The following GPATCH1 variants were observed in gnomAD, a reference collection of about 807,000 sequenced individuals.
GPATCH1 encodes the protein G patch domain-containing protein 1.
A neutral mutation model predicts 114.9 loss-of-function variants in GPATCH1; 73 were observed. The ratio of observed to expected loss-of-function variants is 0.64; its 90% CI spans 0.53 to 0.77. GPATCH1 has a LOEUF of 0.77. Ranked by LOEUF, GPATCH1 falls within the 30% of genes least tolerant of loss-of-function variation. The probability of loss-of-function intolerance (pLI) is 0.00; values close to 1 mark genes in which losing one functional copy is unlikely to be tolerated. For missense variants in GPATCH1, 1,058 were observed against 1,144.3 expected, an observed-to-expected ratio of 0.92 and a Z score of 1.09; for synonymous variants, 391 against 428.4, an observed-to-expected ratio of 0.91 and a Z score of 1.08.
At chr19:33,111,123 C>G (rs1972847116) in intron 11 of GPATCH1, among the ~76,000 whole-genome samples, 1 of 151,510 alleles carries the variant, frequency 6.6e-6, no homozygotes, top group South Asian at 2.1e-4. Flanking sequence ...ACCTCCACCT[C>G]CCAGGTTCAA....
In GPATCH1 at chr19:33,105,951, G is replaced by A. The variant is rs143319125; in HGVS notation, c.1081-744G>A. On this transcript the variant is annotated intron_variant, in intron 9 of 19. Transcript: ENST00000170564. ...CGACCTCTGCCTCCCGGGTTTACGC[G>A]ACTCTCCTGCCTCAGCACCCCCGAG... is the stretch of plus-strand genomic sequence containing the variant. Among the ~76,000 whole-genome samples the A allele has an allele frequency of 3.7e-3, 559 of 151,168 alleles. 4 individuals carry two copies. Among genetic ancestry groups the A allele is most frequent in the African/African-American group, 0.013 (527 of 41,212 alleles).
At chr19:33,107,743 C>T (rs919724715) in intron 10 of GPATCH1, among the ~76,000 whole-genome samples, 6 of 152,128 alleles carry the variant, frequency 3.9e-5, no homozygotes, top group Admixed American at 6.6e-5. Flanking sequence ...TCACACACTG[C>T]GCTTCCTCAT....
intron 15 of GPATCH1, among the ~76,000 whole-genome samples, chr19:33,116,853 A>G (rs1023207402): frequency 4.0e-5 from 6 of 151,878 alleles, no homozygotes; most frequent in African/African-American, 1.5e-4. Context: ...TTAAACTGCT[A>G]CTTCCTCCGG....
At chr19:33,084,653 CT>C (rs1186895985) in intron 1 of GPATCH1, among the ~76,000 whole-genome samples, 1,559 of 144,462 alleles carry the variant, frequency 0.011, 19 homozygotes, top group African/African-American at 0.032. Context: ...TGACCTTGCC[CT>C]TTTTTTTTTT....
In GPATCH1 at chr19:33,123,073, A is replaced by AAAATAAAT. The variant is rs35241970; in HGVS notation, c.2522-1994_2522-1987dup. 6.8e-3 allele frequency among the ~76,000 whole-genome samples: 941 copies of AAAATAAAT among 138,412 alleles called. 8 individuals carry two copies. The highest frequency in any genetic ancestry group is 0.015 in the African/African-American group (578 of 37,780). The allele number at this position is 138,412 out of a possible 152,430, so 90.8% of individuals were successfully genotyped here. A position where few individuals can be genotyped will look rare whatever the true frequency, so the allele number is the denominator to read the frequency against. ...GGTGACAAAGCGAGATGCTGTCTCA[A>AAAATAAAT]AAATAAATAAATAAATAAATAAATA... On this transcript the variant is annotated intron_variant, in intron 17 of 19. Transcript: ENST00000170564.
In GPATCH1 at chr19:33,113,777, G is replaced by GT; in HGVS notation, c.1905dup (p.Gly636TrpfsTer8). ...TTTTTCAATTCCCAGTTCAACTTTAGTTGGCTTACCAAGAGTGAAGCGTGA... is the reference window on the plus strand; with the variant it reads ...TTTTTCAATTCCCAGTTCAACTTTAGTTTGGCTTACCAAGAGTGAAGCGTGA... On this transcript the variant is annotated frameshift_variant, in exon 14 of 20. Transcript: ENST00000170564. LOFTEE classifies it high-confidence loss of function. 1 of 1,613,628 alleles carries GT rather than the reference G, an allele frequency of 6.2e-7. No homozygotes were observed. The highest frequency in any genetic ancestry group is 8.5e-7 in the Non-Finnish European group (1 of 1,179,748).
intron 19 of GPATCH1, among the ~76,000 whole-genome samples, chr19:33,128,810 T>TCGCCCGA (rs1278627740): frequency 6.6e-6 from 1 of 152,240 alleles, no homozygotes; most frequent in Non-Finnish European, 1.5e-5. Context: ...AGATTCCTTC[T>TCGCCCGA]TGTGAGCACA....
Position 33,093,502 on chromosome 19 carries a change from C to A in GPATCH1, c.438C>A (p.Asp146Glu). 6.2e-7 allele frequency: 1 copy of A among 1,611,898 alleles called. No individual in the cohort carries two copies. The highest frequency in any genetic ancestry group is 8.5e-7 in the Non-Finnish European group (1 of 1,179,242). ...APIPGATLLD[D>E]LITPAKLSVG... ...TTCCTGGAGCCACCCTCCTTGATGA[C>A]CTCATAACGCCAGCAAAGTGAGCAT... Residue 146 changes from aspartate to glutamate, a missense_variant, in exon 4 of 20, where the codon GAC becomes GAA. Coordinates refer to ENST00000170564, the MANE Select transcript of GPATCH1 (RefSeq NM_018025.3).
rs940614947 is a variant in GPATCH1, at chr19:33,095,257, GTT to G, written c.554-483_554-482del. ...GTACCTCTGAAGAGTTATCAGTGAG[GTT>G]TTTTTTTTTTTTTTTTTTTTTGAGA... On this transcript the variant is annotated intron_variant, in intron 5 of 19. Coordinates refer to ENST00000170564, the MANE Select transcript of GPATCH1 (RefSeq NM_018025.3). Among the ~76,000 whole-genome samples, 601 of 109,222 alleles carry G rather than the reference GTT, an allele frequency of 5.5e-3. 1 individual carries two copies. Among genetic ancestry groups the G allele is most frequent in the African/African-American group, 0.021 (569 of 27,670 alleles). 71.7% of individuals were successfully genotyped at this position (109,222 alleles called of 152,430 possible).
chr19:33,097,694 C>T (rs2145312874), intron 7 of GPATCH1, 61 bp from the exon 8 acceptor site: 2 of 1,480,830 alleles, frequency 1.4e-6, no homozygotes, highest in East Asian at 2.3e-5. Context: ...TAGCTTTATC[C>T]CTGAAGATCC....
intron 8 of GPATCH1, among the ~76,000 whole-genome samples, chr19:33,098,424 C>T (rs1972688746): frequency 6.6e-6 from 1 of 152,230 alleles, no homozygotes; most frequent in Admixed American, 6.5e-5. Context: ...ACTTTAACTT[C>T]ATGCTGTGTT....
At chr19:33,106,255 T>C (rs998861352) in intron 9 of GPATCH1, among the ~76,000 whole-genome samples, 1 of 152,130 alleles carries the variant, frequency 6.6e-6, no homozygotes, top group African/African-American at 2.4e-5. Flanking sequence ...CCTCCCATCT[T>C]GGCCTCCCAG....
At chr19:33,105,411 C>CAA (rs922660129) in intron 9 of GPATCH1, among the ~76,000 whole-genome samples, 6 of 58,472 alleles carry the variant, frequency 1.0e-4, no homozygotes, top group East Asian at 5.5e-4. Context: ...GACTCTGTCT[C>CAA]AAAAAAAAAA....
chr19:33,125,153 A>C lies in GPATCH1; in HGVS notation c.2570A>C (p.Asn857Thr), dbSNP rs149814602. ...CCTCAAAAAGAGAAACATAAAAAGA[A>C]CAAAGACAAGCACAAGGCCAAGAAA... ...EVPQKEKHKK[N>T]KDKHKAKKEH... Residue 857 changes from asparagine (N) to threonine (T), a missense_variant, in exon 18 of 20, where the codon AAC becomes ACC. Transcript: ENST00000170564. The C allele has an allele frequency of 7.0e-4, 1,126 of 1,600,436 alleles. 13 individuals carry two copies. In the African/African-American group the frequency reaches 0.013, roughly 18 times the overall value.
At position 33,114,234 on chromosome 19, in the gene GPATCH1, T is replaced by G; in HGVS notation, c.2030-19T>G. On this transcript the variant is annotated intron_variant, in intron 14 of 19. Coordinates refer to ENST00000170564, the MANE Select transcript of GPATCH1 (RefSeq NM_018025.3). The stretch of plus-strand genomic sequence containing the variant: ...TTCCTTGCTAATGCTGGAGTTTATA[T>G]CTATGTCCTGCCTTTCAGAATCAAG... 1 of 1,598,686 alleles carries G rather than the reference T, an allele frequency of 6.3e-7. No individual in the cohort carries two copies. The highest frequency in any genetic ancestry group is 1.8e-5 in the Admixed American group (1 of 56,752).
chr19:33,130,147 T>C lies in GPATCH1; in HGVS notation c.2783T>C (p.Leu928Pro). 6.2e-7 allele frequency: 1 copy of C among 1,610,656 alleles called. No homozygotes were observed. Among genetic ancestry groups the C allele is most frequent in the Admixed American group, 1.7e-5 (1 of 59,952 alleles). The change falls in exon 20 of 20, where the codon CTA becomes CCA. Residue 928 changes from leucine (L) to proline (P), a missense_variant. Leu to Pro is a moderately conservative substitution (Grantham distance 98). This residue lies in a region of GPATCH1 where 893 missense variants were observed against 977.4 expected (regional missense o/e 0.91). Transcript: ENST00000170564. ...ELLRRLKSLP[L>P]RRQ ...TTTTCCAGGCTGAAAAGTCTTCCAC[T>C]AAGAAGGCAGTAATTGAATGCTGCC... is the stretch of plus-strand genomic sequence containing the variant.
chr19:33,127,346 G>C (rs1303305094), intron 19 of GPATCH1, among the ~76,000 whole-genome samples: 2 of 150,818 alleles, frequency 1.3e-5, no homozygotes, highest in Non-Finnish European at 3.0e-5. Flanking sequence ...GAGAAACCCC[G>C]TCTCTACTAA....
At chr19:33,090,742 C>G in intron 2 of GPATCH1, 38 bp from the exon 3 acceptor site, 3 of 1,334,006 alleles carry the variant, frequency 2.2e-6, no homozygotes, top group Non-Finnish European at 3.2e-6. Flanking sequence ...CCCAAATACT[C>G]TCTAGGATTG....
In GPATCH1 at chr19:33,113,866, A is replaced by G. The variant is rs1395531123; in HGVS notation, c.1992A>G (p.Ala664=). 2 of 1,614,028 alleles carry G rather than the reference A, an allele frequency of 1.2e-6. No homozygotes were observed. Among genetic ancestry groups the G allele is most frequent in the East Asian group, 4.5e-5 (2 of 44,898 alleles). The change falls in exon 14 of 20, where the codon GCA becomes GCG. Residue 664 remains alanine (A), a synonymous_variant. Transcript: ENST00000170564. ...PETASLPTTQ[A]SSEKVSQHRG... ...CAGCTTCCTTGCCCACCACTCAAGCATCAAGTGAAAAAGTATCACAGCACC... is the reference window on the plus strand; with the variant it reads ...CAGCTTCCTTGCCCACCACTCAAGCGTCAAGTGAAAAAGTATCACAGCACC...
Sources: allele counts gnomAD v4.1 joint callset (sites outside exome capture counted in the v4.1 genomes callset), GRCh38; gene constraint gnomAD v4.1.1; regional missense constraint gnomAD v4.1.1; transcripts MANE v1.5; gene names NCBI Gene and HGNC (gene_info 2026-07-23, HGNC 2026-07-21).